BIRC6: variants seen among roughly 807,000 people sequenced by gnomAD.
The protein encoded by BIRC6 is dual E2 ubiquitin-conjugating enzyme/E3 ubiquitin-protein ligase BIRC6.
BIRC6 carries 98 observed loss-of-function variants against 503.3 expected under a neutral mutation model. The ratio of observed to expected loss-of-function variants is 0.19; its 90% CI spans 0.17 to 0.23. The LOEUF is 0.23. BIRC6 is among the 10% of genes least tolerant of loss of function. The pLI is 1.00. For missense variants in BIRC6, 5,360 were observed against 5,806.0 expected, an observed-to-expected ratio of 0.92 and a Z score of 2.50; for synonymous variants, 2,240 against 2,078.7, an observed-to-expected ratio of 1.08 and a Z score of -2.11.
intron 1 of BIRC6, among the ~76,000 whole-genome samples, chr2:32,376,674 TTATG>T (rs936186360): frequency 1.3e-5 from 2 of 152,310 alleles, no homozygotes; most frequent in Admixed American, 1.3e-4. Flanking sequence ...GGAAAAAAAT[TTATG>T]TATGAGTGGT....
At position 32,477,524 on chromosome 2, in the gene BIRC6, C is replaced by A; in HGVS notation, c.7009C>A (p.Leu2337Met). The change falls in exon 35 of 74, where the codon CTG becomes ATG. Residue 2337 changes from leucine (L) to methionine (M), a missense_variant. Around this residue, in one of 16 missense-constraint regions of BIRC6, gnomAD observed 2,299 missense variants for 2,267.2 expected, o/e 1.01. Coordinates refer to ENST00000421745, the MANE Select transcript of BIRC6 (RefSeq NM_016252.4). ...TATCTCAGTAGTCCAGAAACTTGTT[C>A]TGTTTCTTCTCTCCATGGACTTTAC... ...RCISVVQKLV[L>M]FLLSMDFTCH... The A allele has an allele frequency of 1.2e-6, 2 of 1,613,854 alleles. No individual in the cohort carries two copies. Among genetic ancestry groups the A allele is most frequent in the Non-Finnish European group, 1.7e-6 (2 of 1,179,824 alleles).
At chr2:32,388,058 A>C (rs879332911) in intron 3 of BIRC6, among the ~76,000 whole-genome samples, 1 of 152,156 alleles carries the variant, frequency 6.6e-6, no homozygotes, top group Admixed American at 6.5e-5. Context: ...TGTGATGAGA[A>C]TGTTTAAAAT....
At chr2:32,375,625 G>C (rs1294379813) in intron 1 of BIRC6, among the ~76,000 whole-genome samples, 1 of 151,274 alleles carries the variant, frequency 6.6e-6, no homozygotes, top group African/African-American at 2.4e-5. Flanking sequence ...ATAGACTGAG[G>C]TCTCCAGCTG....
At chr2:32,408,565 C>A (rs1390550803) in intron 9 of BIRC6, among the ~76,000 whole-genome samples, 5 of 151,952 alleles carry the variant, frequency 3.3e-5, no homozygotes. Flanking sequence ...TGTTATTTTC[C>A]CTGGGTCTAA....
At chr2:32,576,084 CTA>C (rs1477953174) in intron 66 of BIRC6, among the ~76,000 whole-genome samples, 2 of 152,126 alleles carry the variant, frequency 1.3e-5, no homozygotes, top group Non-Finnish European at 2.9e-5. Context: ...TTTTATTTAA[CTA>C]TTTATTAGTA....
intron 73 of BIRC6, 39 bp from the exon 74 acceptor site, chr2:32,617,686 G>C (rs1434868686): frequency 6.3e-7 from 1 of 1,590,872 alleles, no homozygotes. Flanking sequence ...TGTGCTAGAG[G>C]GTTTGCAGTT....
chr2:32,381,887 C>G (rs908000168), intron 3 of BIRC6, among the ~76,000 whole-genome samples: 1 of 152,108 alleles, frequency 6.6e-6, no homozygotes, highest in Non-Finnish European at 1.5e-5. Context: ...GATATCTTCT[C>G]ATATCCTCAG....
intron 3 of BIRC6, among the ~76,000 whole-genome samples, chr2:32,385,282 G>C (rs1348921669): frequency 1.3e-5 from 2 of 152,196 alleles, no homozygotes; most frequent in African/African-American, 4.8e-5. Context: ...TGTAGAACAA[G>C]GAGGAGACAT....
chr2:32,386,300 A>T (rs2038447284), intron 3 of BIRC6, among the ~76,000 whole-genome samples: 2 of 152,176 alleles, frequency 1.3e-5, no homozygotes. Flanking sequence ...TTTAATAAAG[A>T]TACCTCATTT....
At chr2:32,573,755 T>G (rs2060072698) in intron 65 of BIRC6, among the ~76,000 whole-genome samples, 1 of 152,206 alleles carries the variant, frequency 6.6e-6, no homozygotes, top group Non-Finnish European at 1.5e-5. Flanking sequence ...TCTTTTTTAC[T>G]AAAAAGAAAG....
At chr2:32,423,870 G>GT (rs1463857490) in intron 10 of BIRC6, among the ~76,000 whole-genome samples, 1 of 152,146 alleles carries the variant, frequency 6.6e-6, no homozygotes, top group African/African-American at 2.4e-5. Flanking sequence ...TCTCCATGCT[G>GT]TATACACTAC....
intron 66 of BIRC6, among the ~76,000 whole-genome samples, chr2:32,592,333 TAAGTC>T (rs900806259): frequency 6.6e-6 from 1 of 152,224 alleles, no homozygotes; most frequent in African/African-American, 2.4e-5. Flanking sequence ...CCTCTTCAGT[TAAGTC>T]AGGTGACATA....
chr2:32,502,654 AT>A, intron 47 of BIRC6, 140 bp from the exon 48 acceptor site: 1 of 569,894 alleles, frequency 1.8e-6, no homozygotes. Context: ...TTTCTTATGT[AT>A]TTTGGCAGAC....
At position 32,615,866 on chromosome 2, in the gene BIRC6, C is replaced by T. The variant is rs185092349; in HGVS notation, c.14395-1859C>T. 4.0e-3 allele frequency among the ~76,000 whole-genome samples: 613 copies of T among 152,210 alleles called. 7 individuals carry two copies. The highest frequency in any genetic ancestry group is 0.029 in the Admixed American group (436 of 15,268). ...GCCAGGATGGTCTCGATCTTTTGACCTCGTGATCTGCCCGCCATGGCCTCC... is the reference window on the plus strand; with the variant it reads ...GCCAGGATGGTCTCGATCTTTTGACTTCGTGATCTGCCCGCCATGGCCTCC... On this transcript the variant is annotated intron_variant, in intron 73 of 73. Coordinates refer to ENST00000421745, the MANE Select transcript of BIRC6 (RefSeq NM_016252.4).
intron 66 of BIRC6, among the ~76,000 whole-genome samples, chr2:32,576,348 A>C (rs74650572): frequency 0.017 from 2,559 of 152,134 alleles, 50 homozygotes; most frequent in African/African-American, 0.059. Context: ...TTCTGTCAAA[A>C]CTCTTTTTTA....
At chr2:32,394,318 T>TAA (rs1306234366) in intron 5 of BIRC6, among the ~76,000 whole-genome samples, 3 of 152,084 alleles carry the variant, frequency 2.0e-5, no homozygotes, top group Admixed American at 6.6e-5. Flanking sequence ...AACGTAAATG[T>TAA]TCACAAATAT....
intron 66 of BIRC6, among the ~76,000 whole-genome samples, chr2:32,582,608 C>A (rs2060748284): frequency 6.6e-6 from 1 of 152,060 alleles, no homozygotes; most frequent in Non-Finnish European, 1.5e-5. Context: ...GTTAAAAATA[C>A]AAAACAATTA....
intron 3 of BIRC6, among the ~76,000 whole-genome samples, chr2:32,381,036 A>T (rs561124233): frequency 6.6e-6 from 1 of 152,106 alleles, no homozygotes; most frequent in African/African-American, 2.4e-5. Context: ...GTATATTTTT[A>T]TTAATTTCCT....
intron 15 of BIRC6, among the ~76,000 whole-genome samples, chr2:32,437,170 G>C (rs530078791): frequency 1.3e-5 from 2 of 152,116 alleles, no homozygotes; most frequent in Non-Finnish European, 2.9e-5. Flanking sequence ...GATTGCAGAC[G>C]TAAGCCACCG....
Sources: allele counts gnomAD v4.1 joint callset (sites outside exome capture counted in the v4.1 genomes callset), GRCh38; gene constraint gnomAD v4.1.1; regional missense constraint gnomAD v4.1.1; transcripts MANE v1.5; gene names NCBI Gene and HGNC (gene_info 2026-07-23, HGNC 2026-07-21).